The following PRAMEF11 variants were observed in gnomAD, a reference collection of about 807,000 sequenced individuals.
PRAMEF11 encodes the protein PRAME family member 11.
In PRAMEF11, 17 loss-of-function variants were observed where a neutral mutation model predicts 33.6. The observed-to-expected ratio is 0.51, with a 90% CI of 0.35 to 0.76. The LOEUF (loss-of-function observed/expected upper bound fraction) is 0.76. PRAMEF11 is among the 30% of genes least tolerant of loss of function. The pLI is 0.01. For synonymous variants in PRAMEF11, 205 were observed against 227.3 expected, an observed-to-expected ratio of 0.90 and a Z score of 0.88; for missense variants, 568 against 567.0, an observed-to-expected ratio of 1.00 and a Z score of -0.02.
chr1:12,825,148 A>T lies in PRAMEF11; in HGVS notation c.1231T>A (p.Cys411Ser), dbSNP rs770167367. The change falls in exon 4 of 4, where the codon TGC becomes AGC. Residue 411 changes from cysteine (C) to serine (S), a missense_variant. Around this residue, in one of 3 missense-constraint regions of PRAMEF11, gnomAD observed 174 missense variants for 127.2 expected, o/e 1.37. Transcript: ENST00000619922. ...TGCGGGGCAGGATACAGCTCCAGGC[A>T]TAAGTTTTTGAGTATGATTGTGTGG... is the stretch of plus-strand genomic sequence containing the variant. The part of the protein sequence containing the change: ...LSHTIILKNL[C>S]LELYPAPQES... The T allele has an allele frequency of 1.2e-6, 2 of 1,609,182 alleles. No individual in the cohort carries two copies. Among genetic ancestry groups the T allele is most frequent in the African/African-American group, 1.3e-5 (1 of 74,808 alleles).
chr1:12,830,975 A>G (rs968474716), intron 1 of PRAMEF11, among the ~76,000 whole-genome samples: 3 of 140,374 alleles, frequency 2.1e-5, no homozygotes, highest in Non-Finnish European at 4.6e-5. Context: ...TCTGGGCAAC[A>G]CAGTGAGACT....
intron 3 of PRAMEF11, among the ~76,000 whole-genome samples, chr1:12,826,626 G>A (rs1349393174): frequency 6.6e-6 from 1 of 151,132 alleles, no homozygotes; most frequent in Non-Finnish European, 1.5e-5. Context: ...GCCAGGTGTG[G>A]TGGCCCACGC....
At position 12,827,638 on chromosome 1, in the gene PRAMEF11, C is replaced by A. The variant is rs191242051; in HGVS notation, c.486G>T (p.Leu162=). ...GAAGGAGGCAGGTGAGGTATTCATC[C>A]AGAGTCCTGTTCTTGAGCCAAAGTT... is the stretch of plus-strand genomic sequence containing the variant. ...FVELWLKNRT[L]DEYLTCLLLW... Residue 162 remains leucine, a synonymous_variant, in exon 3 of 4, where the codon CTG becomes CTT. Coordinates refer to ENST00000619922, the MANE Select transcript of PRAMEF11 (RefSeq NM_001146344.3). 4 of 1,608,430 alleles carry A rather than the reference C, an allele frequency of 2.5e-6. No homozygotes were observed. The highest frequency in any genetic ancestry group is 1.7e-5 in the Admixed American group (1 of 59,486).
rs2994113 is a variant in PRAMEF11, at chr1:12,825,125, C to T, written c.1254G>A (p.Pro418=). ...KNLCLELYPA[P]QESYGADGTL... is the part of the protein sequence containing the mutation. ...TACCATCAGCACCATAACTTTCCTG[C>T]GGGGCAGGATACAGCTCCAGGCATA... is the stretch of plus-strand genomic sequence containing the variant. The change falls in exon 4 of 4, where the codon CCG becomes CCA. Residue 418 remains proline (P), a synonymous_variant. Transcript: ENST00000619922. The T allele has an allele frequency of 4.5e-4, 729 of 1,609,342 alleles. 37 individuals are homozygous for T. The highest frequency in any genetic ancestry group is 2.3e-3 in the Middle Eastern group (13 of 5,694).
At chr1:12,825,817 T>C (rs1049953154) in intron 3 of PRAMEF11, among the ~76,000 whole-genome samples, 1 of 150,308 alleles carries the variant, frequency 6.7e-6, no homozygotes, top group Non-Finnish European at 1.5e-5. Flanking sequence ...CTACTAAAAA[T>C]CCAAAAATTA....
intron 3 of PRAMEF11, among the ~76,000 whole-genome samples, chr1:12,826,726 C>G (rs151320408): frequency 0.024 from 3,584 of 151,350 alleles, 201 homozygotes; most frequent in African/African-American, 0.082. Context: ...GTCACAAGTG[C>G]ACTCTACCCT....
intron 1 of PRAMEF11, among the ~76,000 whole-genome samples, chr1:12,829,312 TTC>T (rs1639956289): frequency 2.5e-5 from 2 of 81,168 alleles, no homozygotes; most frequent in African/African-American, 1.3e-4. Context: ...TCTCCCTCCC[TTC>T]TTTCTTTCTT....
Position 12,824,726 on chromosome 1 carries a change from C to T in PRAMEF11, c.*216G>A. 1.4e-6 allele frequency: 1 copy of T among 698,238 alleles called. No homozygotes were observed. Among genetic ancestry groups the T allele is most frequent in the Non-Finnish European group, 2.3e-6 (1 of 431,452 alleles). The allele number at this position is 698,238 out of a possible 1,614,324, so 43.3% of individuals were successfully genotyped here. ...TAGACATTCAGATTCCCATTTTCGACTCTACAGGATACAGGTTCCCAAAGT... is the reference window on the plus strand; with the variant it reads ...TAGACATTCAGATTCCCATTTTCGATTCTACAGGATACAGGTTCCCAAAGT... On this transcript the variant is annotated 3_prime_UTR_variant, in exon 4 of 4. Coordinates refer to ENST00000619922, the MANE Select transcript of PRAMEF11 (RefSeq NM_001146344.3).
At chr1:12,829,777 G>A (rs1358080217) in intron 1 of PRAMEF11, among the ~76,000 whole-genome samples, 1 of 151,010 alleles carries the variant, frequency 6.6e-6, no homozygotes, top group Admixed American at 6.6e-5. Flanking sequence ...GGAGGCTGAG[G>A]TAGGAGGATC....
At chr1:12,828,061 C>T (rs1318407353) in intron 2 of PRAMEF11, among the ~76,000 whole-genome samples, 3 of 150,072 alleles carry the variant, frequency 2.0e-5, no homozygotes, top group Non-Finnish European at 4.4e-5. Context: ...TGTCACCTCA[C>T]TGCAACCTCT....
chr1:12,830,923 G>T (rs6702369), intron 1 of PRAMEF11, among the ~76,000 whole-genome samples: 3 of 150,250 alleles, frequency 2.0e-5, no homozygotes, highest in African/African-American at 4.9e-5. Flanking sequence ...AACCCGGGAG[G>T]TAAAGGTTGC....
intron 3 of PRAMEF11, among the ~76,000 whole-genome samples, chr1:12,826,214 A>G (rs1639861681): frequency 6.6e-6 from 1 of 151,094 alleles, no homozygotes; most frequent in South Asian, 2.1e-4. Flanking sequence ...CACCTGTATC[A>G]TCAGCAAACC....
intron 1 of PRAMEF11, among the ~76,000 whole-genome samples, chr1:12,831,016 G>A (rs910891968): frequency 2.1e-5 from 3 of 143,490 alleles, no homozygotes; most frequent in Non-Finnish European, 3.0e-5. Flanking sequence ...AAAAAAAAAC[G>A]TTGTGTAGAG....
chr1:12,828,442 G>A (rs1188241531), intron 2 of PRAMEF11, 55 bp downstream of exon 2: 8 of 1,550,284 alleles, frequency 5.2e-6, no homozygotes, highest in Non-Finnish European at 6.2e-6. Context: ...TGACCCAGCT[G>A]TTCCTTCAGT....
intron 1 of PRAMEF11, among the ~76,000 whole-genome samples, chr1:12,830,437 AC>A (rs138034415): frequency 6.6e-6 from 1 of 150,986 alleles, no homozygotes; most frequent in Admixed American, 6.6e-5. Flanking sequence ...ACAGGCATGC[AC>A]CCCCCACAGC....
chr1:12,826,817 G>T (rs1007576434), intron 3 of PRAMEF11, among the ~76,000 whole-genome samples: 7 of 150,932 alleles, frequency 4.6e-5, no homozygotes, highest in African/African-American at 1.7e-4. Context: ...TTCTGACAGG[G>T]GTCTTGGGAT....
At chr1:12,827,981 C>A in intron 2 of PRAMEF11, 151 bp from the exon 3 acceptor site, 1 of 1,405,452 alleles carries the variant, frequency 7.1e-7, no homozygotes, top group Non-Finnish European at 9.5e-7. Context: ...CTACCCACTT[C>A]CACATTTTTT....
At position 12,830,645 on chromosome 1, in the gene PRAMEF11, A is replaced by G. The variant is rs545522566; in HGVS notation, c.-17+711T>C. Among the ~76,000 whole-genome samples, 7 of 150,768 alleles carry G rather than the reference A, an allele frequency of 4.6e-5. 2 individuals are homozygous for G. The East Asian group carries it at 1.4e-3, about 30-fold the overall frequency. ...GTGATTCTCCCACACCAGCCACCCAAATAGCTGGGACTACAGATGCATGTC... is the reference window on the plus strand; with the variant it reads ...GTGATTCTCCCACACCAGCCACCCAGATAGCTGGGACTACAGATGCATGTC... On this transcript the variant is annotated intron_variant, in intron 1 of 3. Coordinates refer to ENST00000619922, the MANE Select transcript of PRAMEF11 (RefSeq NM_001146344.3).
chr1:12,826,441 T>C (rs1177906652), intron 3 of PRAMEF11, among the ~76,000 whole-genome samples: 1 of 151,332 alleles, frequency 6.6e-6, no homozygotes, highest in Non-Finnish European at 1.5e-5. Flanking sequence ...CCCACTTCAC[T>C]TCCCTACTTC....
Sources: gnomAD v4.1 joint callset for allele counts (sites outside exome capture counted in the v4.1 genomes callset) on GRCh38, gnomAD v4.1.1 for gene constraint, gnomAD v4.1.1 regional missense constraint, MANE v1.5 for transcripts, NCBI Gene and HGNC (gene_info 2026-07-23, HGNC 2026-07-21) for gene names.